ZNF436: variants seen among roughly 807,000 people sequenced by gnomAD.
ZNF436 encodes the protein zinc finger protein 436, also known as DNA-binding protein.
In ZNF436, 22 loss-of-function variants were observed where a neutral mutation model predicts 41.9. The observed-to-expected ratio is 0.53, with a 90% CI of 0.38 to 0.75. The LOEUF is 0.75. Among genes scored for constraint, ZNF436 ranks in the 30% least tolerant of loss-of-function variants. The pLI is 0.00. For synonymous variants in ZNF436, 217 were observed against 197.8 expected, an observed-to-expected ratio of 1.10 and a Z score of -0.82; for missense variants, 506 against 587.3, an observed-to-expected ratio of 0.86 and a Z score of 1.43.
At position 23,362,933 on chromosome 1, in the gene ZNF436, A is replaced by T; in HGVS notation, c.449T>A (p.Ile150Asn). The change falls in exon 4 of 4, where the codon ATC becomes AAC. Residue 150 changes from isoleucine to asparagine, a missense_variant. Ile to Asn is a moderately radical substitution (Grantham distance 149). Around this residue, in one of 2 missense-constraint regions of ZNF436, gnomAD observed 228 missense variants for 215.1 expected, o/e 1.06. Coordinates refer to ENST00000314011, the MANE Select transcript of ZNF436 (RefSeq NM_001077195.2). ...CTTCTGATGTCGATTAAGGTCTGAG[A>T]TCTGACTGAAGGCCTTTCCACAATG... Reference protein sequence around the residue: ...CSHCGKAFSQISDLNRHQKTH... With the variant: ...CSHCGKAFSQNSDLNRHQKTH... The T allele has an allele frequency of 6.2e-7, 1 of 1,614,150 alleles. No individual in the cohort carries two copies. Among genetic ancestry groups the T allele is most frequent in the Non-Finnish European group, 8.5e-7 (1 of 1,180,022 alleles).
Position 23,359,785 on chromosome 1 carries a change from G to C in ZNF436, c.*2184C>G, listed in dbSNP as rs1234117646. ...TTCCCAGCTAGATTGTTCATGTATG[G>C]AGATAGCTGGGTGCTTAGAAGCCTT... On this transcript the variant is annotated 3_prime_UTR_variant, in exon 4 of 4. Coordinates refer to ENST00000314011, the MANE Select transcript of ZNF436 (RefSeq NM_001077195.2). 1 of 152,662 alleles carries C rather than the reference G, an allele frequency of 6.6e-6. No individual in the cohort carries two copies. Among genetic ancestry groups the C allele is most frequent in the Non-Finnish European group, 1.5e-5 (1 of 68,056 alleles). 9.5% of individuals were successfully genotyped at this position (152,662 alleles called of 1,614,324 possible). A position where few individuals can be genotyped will look rare whatever the true frequency, so the allele number is the denominator to read the frequency against.
chr1:23,369,179 G>C (rs571887363), intron 1 of ZNF436, 187 bp downstream of exon 1: 133 of 372,666 alleles, frequency 3.6e-4, no homozygotes, highest in Admixed American at 3.3e-3. Context: ...AGGCCCCTGC[G>C]GGGGGGGCGG....
chr1:23,362,353 G>A lies in ZNF436; in HGVS notation c.1029C>T (p.Phe343=). The change falls in exon 4 of 4, where the codon TTC becomes TTT. Residue 343 remains phenylalanine (F), a synonymous_variant. Coordinates refer to ENST00000314011, the MANE Select transcript of ZNF436 (RefSeq NM_001077195.2). ...GCTGAACCAAGTGTGAGATGCGGCT[G>A]AAATTTTCCCCACATTCGTTACAGT... is the stretch of plus-strand genomic sequence containing the variant. ...PYHCNECGEN[F]SRISHLVQHQ... is the part of the protein sequence containing the mutation. The A allele has an allele frequency of 1.2e-6, 2 of 1,613,914 alleles. No individual in the cohort carries two copies. The highest frequency in any genetic ancestry group is 1.7e-5 in the Admixed American group (1 of 59,990).
chr1:23,367,744 G>C (rs1013660949), intron 2 of ZNF436, among the ~76,000 whole-genome samples: 2 of 152,180 alleles, frequency 1.3e-5, no homozygotes, highest in African/African-American at 4.8e-5. Flanking sequence ...AGAAGGTAGC[G>C]CCCATCTCGT....
In ZNF436 at chr1:23,359,608, G is replaced by A. The variant is rs1646980539; in HGVS notation, c.*2361C>T. 6.6e-6 allele frequency: 1 copy of A among 152,662 alleles called. No individual in the cohort carries two copies. Among genetic ancestry groups the A allele is most frequent in the Non-Finnish European group, 1.5e-5 (1 of 68,048 alleles). 9.5% of individuals were successfully genotyped at this position (152,662 alleles called of 1,614,324 possible). ...CAGGCACAAAGTGTTCACGGGATGT[G>A]CAGAGGCAGCCAGGGACTTGGGAGC... On this transcript the variant is annotated 3_prime_UTR_variant, in exon 4 of 4. Coordinates refer to ENST00000314011, the MANE Select transcript of ZNF436 (RefSeq NM_001077195.2).
intron 3 of ZNF436, among the ~76,000 whole-genome samples, chr1:23,364,287 G>C (rs1295858192): frequency 6.6e-6 from 1 of 152,150 alleles, no homozygotes; most frequent in African/African-American, 2.4e-5. Context: ...GCCCAGGCCG[G>C]AGTGCAATGG....
At position 23,362,056 on chromosome 1, in the gene ZNF436, TC is replaced by T. The variant is rs1378288840; in HGVS notation, c.1325del (p.Gly442GlufsTer32). 1 of 1,614,218 alleles carries T rather than the reference TC, an allele frequency of 6.2e-7. No homozygotes were observed. The highest frequency in any genetic ancestry group is 1.7e-5 in the Admixed American group (1 of 60,030). On this transcript the variant is annotated frameshift_variant, in exon 4 of 4. Transcript: ENST00000314011. LOFTEE classifies it high-confidence loss of function. ...NLITHQRVHT[G>X]EKPYECTECE... ...ATTCGGTACATTCATAAGGTTTCTC[TC>T]CCGTGTGAACTCTTTGATGTGTGAT...
In ZNF436 at chr1:23,360,255, T is replaced by A. The variant is rs1646985106; in HGVS notation, c.*1714A>T. 6.6e-6 allele frequency: 1 copy of A among 152,220 alleles called. No individual in the cohort carries two copies. Among genetic ancestry groups the A allele is most frequent in the South Asian group, 2.1e-4 (1 of 4,832 alleles). The allele number at this position is 152,220 out of a possible 1,614,324, so 9.4% of individuals were successfully genotyped here. On this transcript the variant is annotated 3_prime_UTR_variant, in exon 4 of 4. Coordinates refer to ENST00000314011, the MANE Select transcript of ZNF436 (RefSeq NM_001077195.2). Reference sequence around the variant, plus strand: ...CACAGCTGTGGGTCACAATAACTCATTATAGTACCCACCCAGAGAGACCAC... The same window carrying A: ...CACAGCTGTGGGTCACAATAACTCAATATAGTACCCACCCAGAGAGACCAC...
chr1:23,360,217 T>C lies in ZNF436; in HGVS notation c.*1752A>G, dbSNP rs1391522406. On this transcript the variant is annotated 3_prime_UTR_variant, in exon 4 of 4. Transcript: ENST00000314011. The stretch of plus-strand genomic sequence containing the variant: ...CTTTAAAGGTTGTGTTATTAACAAG[T>C]GATGTGGTCCCACACAGCTGTGGGT... 1 of 152,230 alleles carries C rather than the reference T, an allele frequency of 6.6e-6. No homozygotes were observed. The highest frequency in any genetic ancestry group is 1.5e-5 in the Non-Finnish European group (1 of 68,046). 9.4% of individuals were successfully genotyped at this position (152,230 alleles called of 1,614,324 possible).
At chr1:23,368,104 C>T (rs1638403053) in intron 1 of ZNF436, 39 bp from the exon 2 acceptor site, 3 of 1,384,076 alleles carry the variant, frequency 2.2e-6, no homozygotes, top group South Asian at 2.4e-5. Flanking sequence ...GCACGGAAAA[C>T]AGGCCCTGCC....
rs1171263135 is a variant in ZNF436 at position 23,361,590 on chromosome 1, C to A, written c.*379G>T. ...TGCCTTTTTCCAAAGCAGCCATTAC[C>A]ACCCTATTACAGTCCCACGTTTCAC... On this transcript the variant is annotated 3_prime_UTR_variant, in exon 4 of 4. Coordinates refer to ENST00000314011, the MANE Select transcript of ZNF436 (RefSeq NM_001077195.2). 6.0e-6 allele frequency: 1 copy of A among 166,788 alleles called. No homozygotes were observed. The highest frequency in any genetic ancestry group is 1.3e-5 in the Non-Finnish European group (1 of 76,608). 10.3% of individuals were successfully genotyped at this position (166,788 alleles called of 1,614,324 possible).
rs1178380846 is a variant in ZNF436, at chr1:23,362,569, G to T, written c.813C>A (p.Thr271=). ...RSSHLAQHQR[T]HTGEKPYECN... is the part of the protein sequence containing the mutation. ...ATTCATAAGGTTTCTCACCCGTGTG[G>T]GTCCTCTGGTGCTGAGCTAGGTGAG... Residue 271 remains threonine, a synonymous_variant, in exon 4 of 4, where the codon ACC becomes ACA. Transcript: ENST00000314011. 1 of 1,610,014 alleles carries T rather than the reference G, an allele frequency of 6.2e-7. No homozygotes were observed. Among genetic ancestry groups the T allele is most frequent in the East Asian group, 2.2e-5 (1 of 44,590 alleles).
At chr1:23,367,303 A>C in intron 2 of ZNF436, 135 bp from the exon 3 acceptor site, 3 of 1,070,180 alleles carry the variant, frequency 2.8e-6, no homozygotes, top group Admixed American at 3.1e-5. Context: ...AACAAGCAAA[A>C]AAGAGATGTG....
chr1:23,362,981 C>A lies in ZNF436; in HGVS notation c.401G>T (p.Gly134Val), dbSNP rs757368375. The change falls in exon 4 of 4, where the codon GGC becomes GTC. Residue 134 changes from glycine (G) to valine (V), a missense_variant. Physicochemically the swap from Gly to Val is moderately radical, Grantham distance 109. Around this residue, in one of 2 missense-constraint regions of ZNF436, gnomAD observed 228 missense variants for 215.1 expected, o/e 1.06. Transcript: ENST00000314011. ...ATGAGAACATATATGATAGCGGATG[C>A]CTGTGTGGACTTCTTTGTGGACAAG... ...DLLVHKEVHTGIRYHICSHCG... is the reference protein window; with the variant it reads ...DLLVHKEVHTVIRYHICSHCG... 6.2e-7 allele frequency: 1 copy of A among 1,614,172 alleles called. No individual in the cohort carries two copies. The highest frequency in any genetic ancestry group is 1.7e-5 in the Admixed American group (1 of 60,014).
intron 2 of ZNF436, 77 bp from the exon 3 acceptor site, chr1:23,367,245 G>A (rs551598142): frequency 2.1e-6 from 3 of 1,458,244 alleles, no homozygotes; most frequent in South Asian, 2.8e-5. Context: ...GAAATATTCA[G>A]GAGGAAAAAT....
Position 23,360,469 on chromosome 1 carries a change from G to A in ZNF436, c.*1500C>T, listed in dbSNP as rs1326088187. 1 of 152,186 alleles carries A rather than the reference G, an allele frequency of 6.6e-6. No individual in the cohort carries two copies. Among genetic ancestry groups the A allele is most frequent in the South Asian group, 2.1e-4 (1 of 4,830 alleles). The allele number at this position is 152,186 out of a possible 1,614,324, so 9.4% of individuals were successfully genotyped here. ...ATTCCCTTCCACCCCAACATGCTTGGATAGCATCAACACTTGAGATATTTC... is the reference window on the plus strand; with the variant it reads ...ATTCCCTTCCACCCCAACATGCTTGAATAGCATCAACACTTGAGATATTTC... On this transcript the variant is annotated 3_prime_UTR_variant, in exon 4 of 4. Coordinates refer to ENST00000314011, the MANE Select transcript of ZNF436 (RefSeq NM_001077195.2).
At position 23,362,248 on chromosome 1, in the gene ZNF436, G is replaced by A; in HGVS notation, c.1134C>T (p.Ile378=). 1 of 1,613,812 alleles carries A rather than the reference G, an allele frequency of 6.2e-7. No homozygotes were observed. The highest frequency in any genetic ancestry group is 8.5e-7 in the Non-Finnish European group (1 of 1,179,926). Residue 378 remains isoleucine, a synonymous_variant, in exon 4 of 4, where the codon ATC becomes ATT. Transcript: ENST00000314011. Reference sequence around the variant, plus strand: ...CTCCAGTGTGAATTTTCTGGTGTGTGATGAGATGAGAGCTCCGGCTGAAGC... The same window carrying A: ...CTCCAGTGTGAATTTTCTGGTGTGTAATGAGATGAGAGCTCCGGCTGAAGC... ...GKSFSRSSHL[I]THQKIHTGEK...
At chr1:23,366,952 A>T in intron 3 of ZNF436, 90 bp downstream of exon 3, 3 of 1,429,078 alleles carry the variant, frequency 2.1e-6, no homozygotes, top group Non-Finnish European at 2.8e-6. Context: ...GCTTTAAAAA[A>T]TCAAACCACT....
At position 23,369,665 on chromosome 1, in the gene ZNF436, C is replaced by A; in HGVS notation, c.-360G>T. 1 of 475,474 alleles carries A rather than the reference C, an allele frequency of 2.1e-6. No homozygotes were observed. Among genetic ancestry groups the A allele is most frequent in the Non-Finnish European group, 4.4e-6 (1 of 224,924 alleles). The allele number at this position is 475,474 out of a possible 1,614,324, so 29.5% of individuals were successfully genotyped here. A position where few individuals can be genotyped will look rare whatever the true frequency, so the allele number is the denominator to read the frequency against. On this transcript the variant is annotated 5_prime_UTR_variant, in exon 1 of 4. Coordinates refer to ENST00000314011, the MANE Select transcript of ZNF436 (RefSeq NM_001077195.2). ...GAGACCACAGAGGCTGGCCGAGAAA[C>A]CACCAGCAACTAAGCTGCATTCAGC...
Sources: allele counts gnomAD v4.1 joint callset (sites outside exome capture counted in the v4.1 genomes callset), GRCh38; gene constraint gnomAD v4.1.1; regional missense constraint gnomAD v4.1.1; transcripts MANE v1.5; gene names NCBI Gene and HGNC (gene_info 2026-07-23, HGNC 2026-07-21).